GFM1: variants seen among roughly 807,000 people sequenced by gnomAD.
GFM1 encodes G elongation factor mitochondrial 1, also known as elongation factor G, mitochondrial.
A neutral mutation model predicts 96.2 loss-of-function variants in GFM1; 62 were observed. That is an observed-to-expected ratio of 0.64 (90% CI 0.53 to 0.80). The LOEUF is 0.80. GFM1 is among the 30% of genes least tolerant of loss of function. The pLI is 0.00. For missense variants in GFM1, 852 were observed against 916.6 expected, an observed-to-expected ratio of 0.93 and a Z score of 0.91; for synonymous variants, 282 against 312.9, an observed-to-expected ratio of 0.90 and a Z score of 1.04.
At chr3:158,667,947 A>G (rs543589376) in intron 13 of GFM1, among the ~76,000 whole-genome samples, 1 of 152,338 alleles carries the variant, frequency 6.6e-6, no homozygotes, top group African/African-American at 2.4e-5. Context: ...ATTTGAACAC[A>G]AAACTTAGAT....
At chr3:158,647,318 AT>A (rs1397780135) in intron 4 of GFM1, among the ~76,000 whole-genome samples, 1 of 152,224 alleles carries the variant, frequency 6.6e-6, no homozygotes, top group Non-Finnish European at 1.5e-5. Context: ...TCCTTGAAGC[AT>A]TTTAATTAAT....
rs766797056 is a variant in GFM1, at chr3:158,653,512, G to T, written c.998+45G>T. 4.3e-6 allele frequency: 6 copies of T among 1,401,224 alleles called. No individual in the cohort carries two copies. In the African/African-American group the frequency reaches 7.1e-5, roughly 17 times the overall value. The allele number at this position is 1,401,224 out of a possible 1,614,324, so 86.8% of individuals were successfully genotyped here. Reference sequence around the variant, plus strand: ...TCTTAGTTTATGCAGAAATACTTTCGTATTTATGCACTGTGAAGGAATTTA... The same window carrying T: ...TCTTAGTTTATGCAGAAATACTTTCTTATTTATGCACTGTGAAGGAATTTA... On this transcript the variant is annotated intron_variant, in intron 7 of 17. Transcript: ENST00000486715.
intron 15 of GFM1, chr3:158,685,185 A>G (rs1725739366): frequency 6.4e-6 from 1 of 156,026 alleles, no homozygotes; most frequent in African/African-American, 2.4e-5. Context: ...TTTCTCACAG[A>G]GTAATATTTG....
intron 5 of GFM1, chr3:158,649,943 G>A (rs753122371): frequency 1.6e-6 from 2 of 1,287,274 alleles, no homozygotes; most frequent in Non-Finnish European, 1.1e-6. Context: ...GACAATGTGA[G>A]GAGTCATAAA....
chr3:158,679,134 CTGA>C (rs1456931480), intron 13 of GFM1, among the ~76,000 whole-genome samples: 1 of 152,222 alleles, frequency 6.6e-6, no homozygotes, highest in African/African-American at 2.4e-5. Flanking sequence ...ACTTCTAGTT[CTGA>C]TGCTGATGTT....
chr3:158,684,760 A>G, intron 15 of GFM1, 92 bp downstream of exon 15: 1 of 1,319,852 alleles, frequency 7.6e-7, no homozygotes, highest in Non-Finnish European at 1.1e-6. Context: ...TTCTTCACCC[A>G]GAGCACTAGG....
chr3:158,691,409 A>T lies in GFM1; in HGVS notation c.2198A>T (p.Asn733Ile). The change falls in exon 18 of 18, where the codon AAT becomes ATT. Residue 733 changes from asparagine to isoleucine, a missense_variant. Asn to Ile is a moderately radical substitution (Grantham distance 149, BLOSUM62 -3). Transcript: ENST00000486715. ...CLPSTQEDVI[N>I]KYLEATGQLP... ...CCATCCACACAAGAAGACGTCATTA[A>T]TAAGTATTTGGAAGCTACAGGTCAA... is the stretch of plus-strand genomic sequence containing the variant. The T allele has an allele frequency of 6.2e-7, 1 of 1,613,964 alleles. No individual in the cohort carries two copies. Among genetic ancestry groups the T allele is most frequent in the African/African-American group, 1.3e-5 (1 of 75,050 alleles).
chr3:158,688,069 T>C (rs991874548), intron 15 of GFM1, among the ~76,000 whole-genome samples: 1 of 151,356 alleles, frequency 6.6e-6, no homozygotes, highest in Non-Finnish European at 1.5e-5. Flanking sequence ...TTATATGTTA[T>C]ATCTTGTCAA....
intron 4 of GFM1, among the ~76,000 whole-genome samples, chr3:158,648,622 G>T (rs1466107244): frequency 6.7e-6 from 1 of 148,188 alleles, no homozygotes; most frequent in Non-Finnish European, 1.5e-5. Flanking sequence ...AGGTTGCAGT[G>T]AGCGGAAATC....
Position 158,652,159 on chromosome 3 carries a change from G to A in GFM1, c.753G>A (p.Gln251=), listed in dbSNP as rs1270171913. The A allele has an allele frequency of 6.2e-7, 1 of 1,613,886 alleles. No homozygotes were observed. The highest frequency in any genetic ancestry group is 8.5e-7 in the Non-Finnish European group (1 of 1,179,846). ...GGGCGGCGGCCACTGACCACCGGCA[G>A]GAGCTAATTGAATGTGTTGCCAATT... ...ELRAAATDHR[Q]ELIECVANSD... is the part of the protein sequence containing the mutation. The change falls in exon 6 of 18, where the codon CAG becomes CAA. Residue 251 remains glutamine (Q), a synonymous_variant. Transcript: ENST00000486715.
intron 12 of GFM1, among the ~76,000 whole-genome samples, chr3:158,665,824 C>A (rs1329709225): frequency 6.6e-6 from 1 of 152,114 alleles, no homozygotes; most frequent in East Asian, 1.9e-4. Flanking sequence ...CAGGCCATTT[C>A]TTCTCAAGTC....
chr3:158,672,599 T>G lies in GFM1; in HGVS notation c.1601+6213T>G. The G allele has an allele frequency of 8.1e-6, 10 of 1,234,058 alleles. No homozygotes were observed. In the South Asian group the frequency reaches 1.4e-4, roughly 17 times the overall value. 76.4% of individuals were successfully genotyped at this position (1,234,058 alleles called of 1,614,324 possible). A position where few individuals can be genotyped will look rare whatever the true frequency, so the allele number is the denominator to read the frequency against. Reference sequence around the variant, plus strand: ...CCGAGGCGGAAAAGTCGCAAGCTCCTTCAGTCAGTCTTCTTCCTCAGCTCC... The same window carrying G: ...CCGAGGCGGAAAAGTCGCAAGCTCCGTCAGTCAGTCTTCTTCCTCAGCTCC... On this transcript the variant is annotated intron_variant, in intron 13 of 17. Transcript: ENST00000486715.
chr3:158,654,077 A>C (rs1722530563), intron 7 of GFM1, among the ~76,000 whole-genome samples: 1 of 152,128 alleles, frequency 6.6e-6, no homozygotes, highest in Non-Finnish European at 1.5e-5. Context: ...TTCCAAAAAA[A>C]AAAGAAACAA....
intron 13 of GFM1, chr3:158,669,266 T>A (rs936213950): frequency 3.3e-6 from 4 of 1,225,204 alleles, no homozygotes; most frequent in Non-Finnish European, 4.5e-6. Flanking sequence ...TATGGATCTA[T>A]AAAATTTCTG....
chr3:158,691,253 T>G (rs1560147367), intron 17 of GFM1, 61 bp downstream of exon 17: 1 of 1,605,940 alleles, frequency 6.2e-7, no homozygotes, highest in African/African-American at 1.3e-5. Flanking sequence ...TATTATAAAA[T>G]CTTGACCTTG....
At chr3:158,674,137 G>A (rs1186946697) in intron 13 of GFM1, among the ~76,000 whole-genome samples, 1 of 147,232 alleles carries the variant, frequency 6.8e-6, no homozygotes, top group East Asian at 2.0e-4. Flanking sequence ...CTGCAGTGCA[G>A]TGGCGTGATC....
chr3:158,658,869 G>A, intron 8 of GFM1, 53 bp from the exon 9 acceptor site: 1 of 1,596,830 alleles, frequency 6.3e-7, no homozygotes, highest in Middle Eastern at 1.7e-4. Context: ...TCAATACTTT[G>A]ATTATTATGT....
chr3:158,675,963 T>C (rs1357931838), intron 13 of GFM1, among the ~76,000 whole-genome samples: 2 of 152,228 alleles, frequency 1.3e-5, no homozygotes, highest in Admixed American at 6.5e-5. Flanking sequence ...AGAAGTAATC[T>C]AAAATTTGTA....
chr3:158,645,816 A>G, intron 2 of GFM1, 35 bp downstream of exon 2: 1 of 1,548,572 alleles, frequency 6.5e-7, no homozygotes, highest in Non-Finnish European at 8.9e-7. Flanking sequence ...ATTAATTAGA[A>G]CCAGATTTTA....
Sources: allele counts gnomAD v4.1 joint callset (sites outside exome capture counted in the v4.1 genomes callset), GRCh38; gene constraint gnomAD v4.1.1; transcripts MANE v1.5; gene names NCBI Gene and HGNC (gene_info 2026-07-23, HGNC 2026-07-21).